RASGRP3: variants seen among roughly 807,000 people sequenced by gnomAD.
The protein encoded by RASGRP3 is RAS guanyl releasing protein 3, also known as ras guanyl-releasing protein 3.
Under a neutral mutation model 82.7 loss-of-function variants are expected in RASGRP3, and 54 were observed. The observed-to-expected ratio is 0.65, with a 90% CI of 0.52 to 0.82. The LOEUF (loss-of-function observed/expected upper bound fraction) is 0.82, where lower values mean the gene tolerates loss of function less well. RASGRP3 is among the 40% of genes least tolerant of loss of function. RASGRP3 has a pLI of 0.00. For synonymous variants in RASGRP3, 309 were observed against 300.5 expected (o/e 1.03, Z -0.29); for missense variants, 861 against 828.9 (o/e 1.04, Z -0.48).
chr2:33,528,112 T>A (rs2034829), intron 10 of RASGRP3, among the ~76,000 whole-genome samples: 150,230 of 152,342 alleles, frequency 0.99, 74,080 homozygotes, highest in East Asian at 1. Flanking sequence ...TCCCCCTCCA[T>A]AGCAGTCATG....
intron 1 of RASGRP3, among the ~76,000 whole-genome samples, chr2:33,446,315 C>T (rs1055899903): frequency 1.3e-5 from 2 of 152,106 alleles, no homozygotes; most frequent in Non-Finnish European, 2.9e-5. Flanking sequence ...CGCCACCACG[C>T]CGGGCTAATT....
chr2:33,517,766 A>G (rs1041980258), intron 4 of RASGRP3, among the ~76,000 whole-genome samples: 1 of 152,150 alleles, frequency 6.6e-6, no homozygotes, highest in Admixed American at 6.5e-5. Context: ...TGTCCAAAGA[A>G]TGTACCCACC....
At chr2:33,463,593 T>C (rs1203140535) in intron 2 of RASGRP3, among the ~76,000 whole-genome samples, 3 of 7,954 alleles carry the variant, frequency 3.8e-4, no homozygotes, top group African/African-American at 1.5e-3. Context: ...TCCTTCACTC[T>C]TTTTTTTTTT....
At chr2:33,527,116 T>C (rs746093657) in intron 9 of RASGRP3, 21 bp from the exon 10 acceptor site, 6 of 1,611,940 alleles carry the variant, frequency 3.7e-6, no homozygotes, top group Middle Eastern at 1.6e-4. Flanking sequence ...TTGAAAATTC[T>C]ACTTTTCCAT....
chr2:33,460,903 G>C (rs765885579), intron 2 of RASGRP3, among the ~76,000 whole-genome samples: 1 of 152,196 alleles, frequency 6.6e-6, no homozygotes, highest in Non-Finnish European at 1.5e-5. Context: ...GTGATAATGT[G>C]AGTATTCTGG....
chr2:33,472,341 T>C (rs1667106344), upstream of RASGRP3, among the ~76,000 whole-genome samples: 2 of 151,774 alleles, frequency 1.3e-5, no homozygotes, highest in Admixed American at 1.3e-4. Flanking sequence ...AGAGTGGGAG[T>C]GAAGCCCTGA....
chr2:33,490,348 T>G (rs1668742546), intron 1 of RASGRP3, among the ~76,000 whole-genome samples: 1 of 152,246 alleles, frequency 6.6e-6, no homozygotes, highest in Non-Finnish European at 1.5e-5. Context: ...TCTTTACCTC[T>G]CATTTACTCT....
chr2:33,560,103 T>G (rs943055928), intron 17 of RASGRP3, among the ~76,000 whole-genome samples: 35 of 152,232 alleles, frequency 2.3e-4, no homozygotes. Flanking sequence ...TTTAAAAGTA[T>G]GCAATTTAGT....
intron 1 of RASGRP3, among the ~76,000 whole-genome samples, chr2:33,484,365 G>C (rs1307729249): frequency 6.6e-6 from 1 of 152,122 alleles, no homozygotes; most frequent in Admixed American, 6.5e-5. Context: ...TAAGAATTGG[G>C]TATAATCTCC....
chr2:33,543,256 C>T (rs946768218), intron 12 of RASGRP3, among the ~76,000 whole-genome samples: 4 of 152,194 alleles, frequency 2.6e-5, no homozygotes, highest in Admixed American at 6.5e-5. Flanking sequence ...CTCAAGTGAT[C>T]TTCCCACCTC....
chr2:33,483,461 A>T (rs1286912465), intron 1 of RASGRP3, among the ~76,000 whole-genome samples: 1 of 150,926 alleles, frequency 6.6e-6, no homozygotes, highest in Non-Finnish European at 1.5e-5. Flanking sequence ...TTCATATCTA[A>T]TCCCAGAGGC....
At chr2:33,485,522 G>A (rs544180163) in intron 1 of RASGRP3, among the ~76,000 whole-genome samples, 41 of 152,312 alleles carry the variant, frequency 2.7e-4, no homozygotes, top group African/African-American at 9.9e-4. Flanking sequence ...TATCTCAGAT[G>A]GTGACAGGTA....
At chr2:33,508,976 G>T (rs74792700) in intron 1 of RASGRP3, among the ~76,000 whole-genome samples, 1 of 152,178 alleles carries the variant, frequency 6.6e-6, no homozygotes, top group Non-Finnish European at 1.5e-5. Flanking sequence ...ATAAGTCTGA[G>T]CCTCAGAACT....
At chr2:33,538,625 C>T (rs1238413626) in intron 11 of RASGRP3, among the ~76,000 whole-genome samples, 2 of 152,030 alleles carry the variant, frequency 1.3e-5, no homozygotes, top group Non-Finnish European at 2.9e-5. Flanking sequence ...ACATAAGATG[C>T]TTGTTTTATA....
intron 11 of RASGRP3, among the ~76,000 whole-genome samples, chr2:33,538,418 G>A (rs954759374): frequency 1.8e-4 from 28 of 151,986 alleles, no homozygotes; most frequent in Non-Finnish European, 3.1e-4. Flanking sequence ...CACAAGAATC[G>A]CTTGAACTTG....
Position 33,523,928 on chromosome 2 carries a change from C to T in RASGRP3, c.566C>T (p.Pro189Leu). ...ATCCATGGCTGCCTGGAGAATAATCCAACCTTGGAAAGATCGATTGCTTTA... is the reference window on the plus strand; with the variant it reads ...ATCCATGGCTGCCTGGAGAATAATCTAACCTTGGAAAGATCGATTGCTTTA... ...YVIHGCLENN[P>L]TLERSIALFN... is the part of the protein sequence containing the mutation. Residue 189 changes from proline (P) to leucine (L), a missense_variant, in exon 8 of 18, where the codon CCA becomes CTA. By Grantham distance (98) the Pro-to-Leu change is moderately conservative. Coordinates refer to ENST00000403687, the MANE Select transcript of RASGRP3 (RefSeq NM_001139488.2). 4.3e-6 allele frequency: 7 copies of T among 1,613,566 alleles called. No individual in the cohort carries two copies. Among genetic ancestry groups the T allele is most frequent in the Non-Finnish European group, 5.9e-6 (7 of 1,179,670 alleles).
At chr2:33,499,476 T>C (rs1036587663) in intron 1 of RASGRP3, among the ~76,000 whole-genome samples, 1 of 152,006 alleles carries the variant, frequency 6.6e-6, no homozygotes, top group African/African-American at 2.4e-5. Flanking sequence ...GAGAATTGCC[T>C]GAACCCAGGA....
chr2:33,493,551 A>T (rs556580336), intron 1 of RASGRP3, among the ~76,000 whole-genome samples: 1 of 152,186 alleles, frequency 6.6e-6, no homozygotes, highest in South Asian at 2.1e-4. Context: ...TCAGGACCCA[A>T]GTGTTGGAGC....
At chr2:33,467,487 T>C (rs1194579864) in intron 2 of RASGRP3, among the ~76,000 whole-genome samples, 3 of 152,184 alleles carry the variant, frequency 2.0e-5, no homozygotes, top group Non-Finnish European at 4.4e-5. Context: ...AAAAAGTGTA[T>C]GTGTCTGAAA....
Sources: gnomAD v4.1 joint callset for allele counts (sites outside exome capture counted in the v4.1 genomes callset) on GRCh38, gnomAD v4.1.1 for gene constraint, MANE v1.5 for transcripts, NCBI Gene and HGNC (gene_info 2026-07-23, HGNC 2026-07-21) for gene names.